ANKRD28: variants seen among roughly 807,000 people sequenced by gnomAD.
The protein encoded by ANKRD28 is ankyrin repeat domain 28, also known as serine/threonine-protein phosphatase 6 regulatory ankyrin repeat subunit A.
ANKRD28 carries 44 observed loss-of-function variants against 126.5 expected under a neutral mutation model. That is an observed-to-expected ratio of 0.35 (90% CI 0.27 to 0.45). The LOEUF is 0.45. Ranked by LOEUF, ANKRD28 falls within the 20% of genes least tolerant of loss-of-function variation. The pLI, the probability that ANKRD28 is intolerant of heterozygous loss-of-function variation, is 1.00. For missense variants in ANKRD28, 1,110 were observed against 1,316.6 expected (o/e 0.84, Z 2.43); for synonymous variants, 442 against 468.5 (o/e 0.94, Z 0.73).
chr3:15,850,224 T>TATATATATATATAGAG (rs1418223588), intron 1 of ANKRD28, among the ~76,000 whole-genome samples: 86 of 35,102 alleles, frequency 2.4e-3, no homozygotes, highest in Admixed American at 4.8e-3. Context: ...TATATATATA[T>TATATATATATATAGAG]AGAGAGAGAG....
At chr3:15,736,838 G>A (rs1363662191) in intron 5 of ANKRD28, among the ~76,000 whole-genome samples, 195 bp downstream of exon 5, 2 of 152,126 alleles carry the variant, frequency 1.3e-5, no homozygotes, top group East Asian at 1.9e-4. Context: ...GGTCACCACA[G>A]GTTAACTGTG....
chr3:15,718,169 T>C (rs2073293081), intron 8 of ANKRD28, among the ~76,000 whole-genome samples: 1 of 152,160 alleles, frequency 6.6e-6, no homozygotes. Flanking sequence ...ATATTGTGTG[T>C]AAGAGCTGGA....
rs760808531 is a variant in ANKRD28 at position 15,670,439 on chromosome 3, T to C, written c.3083A>G (p.Asn1028Ser). ...SSSPLSSLTF[N>S]AINRYTNTSK... ...GGTGTTGGTATAACGGTTAATGGCATTGAATGTTAAGGATGATAAAGGACT... is the reference window on the plus strand; with the variant it reads ...GGTGTTGGTATAACGGTTAATGGCACTGAATGTTAAGGATGATAAAGGACT... Residue 1028 changes from asparagine (N) to serine (S), a missense_variant, in exon 28 of 28, where the codon AAT becomes AGT. Asn to Ser is a conservative substitution (Grantham distance 46). Coordinates refer to ENST00000683139, the MANE Select transcript of ANKRD28 (RefSeq NM_001349278.2). 2.2e-5 allele frequency: 36 copies of C among 1,613,814 alleles called. No homozygotes were observed. The highest frequency in any genetic ancestry group is 8.8e-5 in the South Asian group (8 of 91,078).
chr3:15,859,176 T>C (rs564811512), intron 1 of ANKRD28, among the ~76,000 whole-genome samples: 1 of 152,270 alleles, frequency 6.6e-6, no homozygotes, highest in Non-Finnish European at 1.5e-5. Flanking sequence ...GCACGTGGGC[T>C]TCACCCAGGC....
intron 2 of ANKRD28, among the ~76,000 whole-genome samples, chr3:15,775,734 G>A (rs1267968264): frequency 3.3e-5 from 5 of 152,196 alleles, no homozygotes; most frequent in Non-Finnish European, 5.9e-5. Flanking sequence ...ACGGAAGGGC[G>A]TGCAACTTCC....
chr3:15,735,017 G>A (rs2700002), intron 6 of ANKRD28, among the ~76,000 whole-genome samples: 101,707 of 152,002 alleles, frequency 0.67, 34,555 homozygotes, highest in East Asian at 0.91. Context: ...ATCAAACATG[G>A]TAATACACAT....
chr3:15,859,283 G>A, intron 1 of ANKRD28: 2 of 1,484,310 alleles, frequency 1.3e-6, no homozygotes, highest in South Asian at 2.5e-5. Flanking sequence ...CAACCACCCC[G>A]CCGAGCGGGC....
At chr3:15,803,488 G>A (rs182097572) in intron 1 of ANKRD28, among the ~76,000 whole-genome samples, 77 of 151,952 alleles carry the variant, frequency 5.1e-4, no homozygotes, top group African/African-American at 1.7e-3. Flanking sequence ...GTGGTGGCGC[G>A]TGCCTGTAAT....
intron 2 of ANKRD28, among the ~76,000 whole-genome samples, chr3:15,785,570 T>A (rs2059739192): frequency 6.6e-6 from 1 of 152,100 alleles, no homozygotes; most frequent in Admixed American, 6.6e-5. Flanking sequence ...CACCAAATGC[T>A]GGCAAGGATA....
chr3:15,756,598 A>G (rs2058172450), intron 3 of ANKRD28: 1 of 680,220 alleles, frequency 1.5e-6, no homozygotes, highest in Non-Finnish European at 1.8e-6. Context: ...ACGTGATCTC[A>G]TAATGGCTGT....
intron 10 of ANKRD28, among the ~76,000 whole-genome samples, chr3:15,713,288 C>G (rs761903314): frequency 1.3e-5 from 2 of 152,060 alleles, no homozygotes; most frequent in African/African-American, 2.4e-5. Context: ...ATCAAAACTG[C>G]GTTATTACTC....
At chr3:15,768,760 T>C (rs1223212063) in intron 2 of ANKRD28, among the ~76,000 whole-genome samples, 1 of 152,198 alleles carries the variant, frequency 6.6e-6, no homozygotes, top group East Asian at 1.9e-4. Flanking sequence ...GTCCTTAAAA[T>C]AGTAACAGGT....
chr3:15,771,028 T>C (rs1324589582), intron 2 of ANKRD28, among the ~76,000 whole-genome samples: 1 of 152,190 alleles, frequency 6.6e-6, no homozygotes, highest in Non-Finnish European at 1.5e-5. Context: ...TCAGTCTGTT[T>C]TGCACTGCTA....
chr3:15,751,638 G>A (rs2057868367), intron 4 of ANKRD28, 112 bp downstream of exon 4: 4 of 721,174 alleles, frequency 5.5e-6, no homozygotes, highest in Non-Finnish European at 9.3e-6. Context: ...ACCAGTCAAG[G>A]TATCTCAGTA....
At chr3:15,695,113 G>T in intron 16 of ANKRD28, 75 bp downstream of exon 16, 1 of 1,204,378 alleles carries the variant, frequency 8.3e-7, no homozygotes, top group Non-Finnish European at 1.2e-6. Context: ...TCTAATGAGA[G>T]CAAACAGATA....
chr3:15,842,061 TAA>T (rs1315440526), intron 1 of ANKRD28, among the ~76,000 whole-genome samples: 2 of 142,820 alleles, frequency 1.4e-5, no homozygotes, highest in Non-Finnish European at 3.0e-5. Context: ...AATTTATATA[TAA>T]TTTTATTTTA....
rs948978151 is a variant in ANKRD28, at chr3:15,839,473, C to T, written c.27+19904G>A. Among the ~76,000 whole-genome samples the T allele has an allele frequency of 1.3e-5, 2 of 152,074 alleles. No individual in the cohort carries two copies. Among genetic ancestry groups the T allele is most frequent in the Admixed American group, 6.5e-5 (1 of 15,278 alleles). The stretch of plus-strand genomic sequence containing the variant: ...CACAGGAACACCAAACCAATGAAAA[C>T]TATAATCACATTTCAGAATCAATGT... On this transcript the variant is annotated intron_variant, in intron 1 of 27. Coordinates refer to the ANKRD28 transcript ENST00000399451. This position sits in a 1 kb window ranked among gnomAD's most constrained non-coding sequence, Gnocchi z 4.3.
intron 2 of ANKRD28, among the ~76,000 whole-genome samples, chr3:15,784,183 ACT>A (rs2059666016): frequency 6.6e-6 from 1 of 152,016 alleles, no homozygotes; most frequent in Non-Finnish European, 1.5e-5. Flanking sequence ...ATAGTCAGAA[ACT>A]CAGATCTACA....
chr3:15,714,031 T>C (rs2072674565), intron 9 of ANKRD28, among the ~76,000 whole-genome samples: 1 of 152,164 alleles, frequency 6.6e-6, no homozygotes, highest in Admixed American at 6.6e-5. Context: ...TATTTCAACT[T>C]TTCCCCTGCA....
Sources: gnomAD v4.1 joint callset for allele counts (sites outside exome capture counted in the v4.1 genomes callset) on GRCh38, gnomAD v4.1.1 for gene constraint, Gnocchi (gnomAD v3.1) non-coding constraint, MANE v1.5 for transcripts, NCBI Gene and HGNC (gene_info 2026-07-23, HGNC 2026-07-21) for gene names.